The following GALK2 variants were observed in gnomAD, a reference collection of about 807,000 sequenced individuals.
The protein encoded by GALK2 is galactokinase 2, also known as N-acetylgalactosamine kinase.
In GALK2, 36 loss-of-function variants were observed where a neutral mutation model predicts 52.4. The ratio of observed to expected loss-of-function variants is 0.69; its 90% CI spans 0.53 to 0.91. GALK2 has a LOEUF of 0.91. GALK2 is among the 40% of genes least tolerant of loss of function. The pLI is 0.00. For synonymous variants in GALK2, 176 were observed against 199.1 expected, an observed-to-expected ratio of 0.88 and a Z score of 0.98; for missense variants, 579 against 559.1, an observed-to-expected ratio of 1.04 and a Z score of -0.36.
chr15:49,255,278 G>T (rs2091767961), intron 5 of GALK2, among the ~76,000 whole-genome samples: 1 of 142,092 alleles, frequency 7.0e-6, no homozygotes, highest in South Asian at 2.3e-4. Context: ...AATACATTCT[G>T]GATCTGAAAA....
chr15:49,217,186 C>T lies in GALK2; in HGVS notation c.143-4C>T. 3.7e-6 allele frequency: 6 copies of T among 1,602,356 alleles called. No homozygotes were observed. The highest frequency in any genetic ancestry group is 5.1e-6 in the Non-Finnish European group (6 of 1,173,558). On this transcript the variant is annotated splice_polypyrimidine_tract_variant and splice_region_variant and intron_variant, in intron 2 of 9. Transcript: ENST00000560031. Reference sequence around the variant, plus strand: ...TGATTAAAAAAGCTTTCTCTTTTTTCTAGGAGAGCATATAGATTATTGTGG... The same window carrying T: ...TGATTAAAAAAGCTTTCTCTTTTTTTTAGGAGAGCATATAGATTATTGTGG...
chr15:49,223,422 G>A (rs561754169), intron 3 of GALK2, among the ~76,000 whole-genome samples: 1 of 152,152 alleles, frequency 6.6e-6, no homozygotes, highest in South Asian at 2.1e-4. Flanking sequence ...GTGCAGGTTT[G>A]TTACTTGGAT....
intron 7 of GALK2, among the ~76,000 whole-genome samples, chr15:49,283,971 G>T (rs548649799): frequency 6.6e-6 from 1 of 152,164 alleles, no homozygotes; most frequent in Admixed American, 6.5e-5. Flanking sequence ...TATAGGTTAG[G>T]TCTATGGGTG....
At chr15:49,160,125 T>G (rs2084599412) in intron 1 of GALK2, among the ~76,000 whole-genome samples, 1 of 151,798 alleles carries the variant, frequency 6.6e-6, no homozygotes, top group Non-Finnish European at 1.5e-5. Context: ...AATACAAAAA[T>G]TATCCAGGCA....
intron 1 of GALK2, among the ~76,000 whole-genome samples, chr15:49,180,855 C>T (rs904731296): frequency 5.9e-5 from 9 of 152,090 alleles, no homozygotes; most frequent in Admixed American, 2.6e-4. Context: ...AATGTACCTT[C>T]CCTCTTTTTG....
At chr15:49,241,383 G>A (rs1247829605) in intron 5 of GALK2, among the ~76,000 whole-genome samples, 1 of 152,162 alleles carries the variant, frequency 6.6e-6, no homozygotes, top group East Asian at 1.9e-4. Context: ...GGCATAGGAA[G>A]GGATGTCCAC....
At chr15:49,163,241 T>C (rs995866126) in intron 1 of GALK2, among the ~76,000 whole-genome samples, 1 of 152,276 alleles carries the variant, frequency 6.6e-6, no homozygotes, top group South Asian at 2.1e-4. Context: ...TAATAACTAA[T>C]GTTGAACATT....
At position 49,283,671 on chromosome 15, in the gene GALK2, A is replaced by G. The variant is rs764970657; in HGVS notation, c.709A>G (p.Thr237Ala). The change falls in exon 7 of 10, where the codon ACT becomes GCT. Residue 237 changes from threonine (T) to alanine (A), a missense_variant. Physicochemically the swap from Thr to Ala is moderately conservative, Grantham distance 58. Coordinates refer to ENST00000560031, the MANE Select transcript of GALK2 (RefSeq NM_002044.4). ...TTGTGTGGAGATGAATAAGGCAGCA[A>G]CTTCCCATTTCAATATCAGGGTGAT... The part of the protein sequence containing the change: ...NSCVEMNKAA[T>A]SHFNIRVMEC... 2 of 1,614,104 alleles carry G rather than the reference A, an allele frequency of 1.2e-6. No homozygotes were observed. The highest frequency in any genetic ancestry group is 1.1e-5 in the South Asian group (1 of 91,074).
intron 3 of GALK2, among the ~76,000 whole-genome samples, chr15:49,230,928 G>A (rs988383248): frequency 6.6e-6 from 1 of 152,122 alleles, no homozygotes; most frequent in African/African-American, 2.4e-5. Context: ...TTGAACCTCA[G>A]GAAAAGGCTA....
At chr15:49,248,376 GAA>G (rs2091446689) in intron 5 of GALK2, among the ~76,000 whole-genome samples, 1 of 152,156 alleles carries the variant, frequency 6.6e-6, no homozygotes, top group African/African-American at 2.4e-5. Flanking sequence ...AATGGTTAAG[GAA>G]AATAGTAGTT....
chr15:49,181,811 C>T (rs1203944764), intron 1 of GALK2, among the ~76,000 whole-genome samples: 1 of 151,776 alleles, frequency 6.6e-6, no homozygotes. Context: ...ACCACATTTG[C>T]TTTATCATTC....
downstream of GALK2, among the ~76,000 whole-genome samples, chr15:49,334,734 T>C (rs1026796728): frequency 6.6e-6 from 1 of 152,138 alleles, no homozygotes; most frequent in African/African-American, 2.4e-5. Context: ...TTACTTCTCT[T>C]GGAGGTGCTC....
intron 8 of GALK2, among the ~76,000 whole-genome samples, chr15:49,295,160 A>AGAAGGAGGG (rs1477975548): frequency 1.3e-5 from 2 of 151,960 alleles, no homozygotes; most frequent in Non-Finnish European, 2.9e-5. Flanking sequence ...AAGAAAGAGA[A>AGAAGGAGGG]GAAGGAGGGG....
At chr15:49,354,602 A>G (rs8034661) in intron 3 of GALK2, among the ~76,000 whole-genome samples, 100,505 of 152,124 alleles carry the variant, frequency 0.66, 33,737 homozygotes, top group African/African-American at 0.74. Flanking sequence ...TCCTACGCCC[A>G]CGGAGTCTCG....
Position 49,327,974 on chromosome 15 carries a change from C to G in GALK2, c.1192C>G (p.Arg398Gly), listed in dbSNP as rs767130682. 3 of 1,613,356 alleles carry G rather than the reference C, an allele frequency of 1.9e-6. No homozygotes were observed. The highest frequency in any genetic ancestry group is 2.5e-6 in the Non-Finnish European group (3 of 1,179,526). The part of the protein sequence containing the change: ...ICRKFGAQGS[R>G]LTGAGWGGCT... ...TAGGAAGTTTGGGGCTCAAGGGTCA[C>G]GACTTACTGGAGCAGGATGGGGAGG... The change falls in exon 10 of 10, where the codon CGA becomes GGA. Residue 398 changes from arginine to glycine, a missense_variant. Physicochemically the swap from Arg to Gly is moderately radical, Grantham distance 125 (BLOSUM62 -2). Transcript: ENST00000560031.
intron 5 of GALK2, among the ~76,000 whole-genome samples, chr15:49,257,767 T>G (rs1440343034): frequency 6.6e-6 from 1 of 151,972 alleles, no homozygotes; most frequent in African/African-American, 2.4e-5. Context: ...CACAACATCT[T>G]AAATGGGTGA....
chr15:49,358,533 A>T (rs2151378985), intron 3 of GALK2, among the ~76,000 whole-genome samples: 1 of 149,636 alleles, frequency 6.7e-6, no homozygotes, highest in East Asian at 2.0e-4. Context: ...CTTACAAGGG[A>T]TATGAAGGAC....
chr15:49,307,645 A>G (rs1479903486), intron 8 of GALK2, among the ~76,000 whole-genome samples: 1 of 152,168 alleles, frequency 6.6e-6, no homozygotes, highest in African/African-American at 2.4e-5. Context: ...GAGGGTGACT[A>G]CAGTGGAGTG....
At chr15:49,316,645 T>C (rs1282027044) in intron 8 of GALK2, among the ~76,000 whole-genome samples, 7 of 150,562 alleles carry the variant, frequency 4.6e-5, no homozygotes, top group Non-Finnish European at 1.0e-4. Context: ...ACAAGAAAAA[T>C]CAAGGGCAAA....
Sources: gnomAD v4.1 joint callset for allele counts (sites outside exome capture counted in the v4.1 genomes callset) on GRCh38, gnomAD v4.1.1 for gene constraint, MANE v1.5 for transcripts, NCBI Gene and HGNC (gene_info 2026-07-23, HGNC 2026-07-21) for gene names.